SLC35F4: variants seen among roughly 807,000 people sequenced by gnomAD.
SLC35F4 encodes solute carrier family 35 member F4, also known as chromosome 14 open reading frame 36.
Under a neutral mutation model 44.2 loss-of-function variants are expected in SLC35F4, and 24 were observed. The ratio of observed to expected loss-of-function variants is 0.54; its 90% CI spans 0.39 to 0.76. The LOEUF (loss-of-function observed/expected upper bound fraction) is 0.76. Ranked by LOEUF, SLC35F4 falls within the 30% of genes least tolerant of loss-of-function variation. SLC35F4 has a pLI of 0.00. For synonymous variants in SLC35F4, 238 were observed against 223.6 expected (o/e 1.06, Z -0.57); for missense variants, 562 against 586.1 (o/e 0.96, Z 0.42).
At chr14:57,720,293 C>CT (rs1307917710) in intron 1 of SLC35F4, among the ~76,000 whole-genome samples, 1 of 152,036 alleles carries the variant, frequency 6.6e-6, no homozygotes, top group Non-Finnish European at 1.5e-5. Context: ...CTGCAGTTTT[C>CT]TTTTTTTAAC....
intron 1 of SLC35F4, among the ~76,000 whole-genome samples, chr14:57,694,424 T>C (rs1482680053): frequency 1.3e-5 from 2 of 152,204 alleles, no homozygotes; most frequent in Non-Finnish European, 2.9e-5. Flanking sequence ...TCATTTTACA[T>C]AATGTTTGTG....
chr14:57,679,620 C>T (rs1244452866), intron 1 of SLC35F4, among the ~76,000 whole-genome samples: 1 of 151,668 alleles, frequency 6.6e-6, no homozygotes, highest in Non-Finnish European at 1.5e-5. Flanking sequence ...AAATAGTAGA[C>T]CAGTAGCCAG....
intron 1 of SLC35F4, among the ~76,000 whole-genome samples, chr14:57,896,160 A>G (rs762525994): frequency 6.6e-6 from 1 of 152,174 alleles, no homozygotes; most frequent in African/African-American, 2.4e-5. Context: ...AAATTGGAAG[A>G]TAAGTGGAGA....
chr14:57,872,363 A>G (rs566212447), intron 1 of SLC35F4, among the ~76,000 whole-genome samples: 2 of 151,442 alleles, frequency 1.3e-5, no homozygotes, highest in Non-Finnish European at 2.9e-5. Context: ...TACCCAGCTG[A>G]TGTGAGAGGA....
intron 1 of SLC35F4, among the ~76,000 whole-genome samples, chr14:57,728,437 CTTTCTTTTTTT>C (rs2076261203): frequency 1.0e-5 from 1 of 97,588 alleles, no homozygotes; most frequent in Non-Finnish European, 2.0e-5. Flanking sequence ...TTTTTTCTTT[CTTTCTTTTTTT>C]TTTTTTTTTT....
intron 1 of SLC35F4, among the ~76,000 whole-genome samples, chr14:57,943,303 G>C (rs946395547): frequency 6.6e-6 from 1 of 152,214 alleles, no homozygotes; most frequent in Non-Finnish European, 1.5e-5. Flanking sequence ...TACAGCTGCT[G>C]TTTACTGACG....
chr14:57,628,819 T>A (rs918967537), intron 1 of SLC35F4, among the ~76,000 whole-genome samples: 7 of 152,120 alleles, frequency 4.6e-5, no homozygotes, highest in South Asian at 2.1e-4. Flanking sequence ...TTAAAAAAAA[T>A]TTTCTCTTTT....
chr14:57,677,892 T>C (rs532931733), intron 1 of SLC35F4, among the ~76,000 whole-genome samples: 3 of 152,110 alleles, frequency 2.0e-5, no homozygotes, highest in East Asian at 1.9e-4. Flanking sequence ...TAATAATCTG[T>C]TACAAACAAA....
intron 1 of SLC35F4, among the ~76,000 whole-genome samples, chr14:57,679,323 C>T (rs1180084897): frequency 6.6e-6 from 1 of 151,934 alleles, no homozygotes; most frequent in Non-Finnish European, 1.5e-5. Context: ...TCTTTGAAAC[C>T]AATGAGAACA....
intron 1 of SLC35F4, among the ~76,000 whole-genome samples, chr14:57,612,629 A>C (rs749136347): frequency 2.7e-4 from 41 of 152,170 alleles, no homozygotes; most frequent in Non-Finnish European, 5.1e-4. Context: ...CAGTATTGGC[A>C]CTTAGTGGCT....
At chr14:57,655,187 C>T (rs938397345) in intron 1 of SLC35F4, among the ~76,000 whole-genome samples, 1 of 152,086 alleles carries the variant, frequency 6.6e-6, no homozygotes, top group Non-Finnish European at 1.5e-5. Flanking sequence ...TTTCACCCTA[C>T]TCAGTCCTTC....
At chr14:57,566,713 T>G (rs1594872005) in intron 6 of SLC35F4, 149 bp from the exon 7 acceptor site, 4 of 722,394 alleles carry the variant, frequency 5.5e-6, no homozygotes, top group South Asian at 1.8e-5. Context: ...TGGATGCATG[T>G]GTATTCTACC....
chr14:57,895,687 TC>T (rs1168447749), intron 1 of SLC35F4, among the ~76,000 whole-genome samples: 1 of 152,050 alleles, frequency 6.6e-6, no homozygotes, highest in African/African-American at 2.4e-5. Context: ...ATCGTAAGTT[TC>T]CTGAGGCCTC....
At chr14:57,775,471 G>A (rs1203553492) in intron 1 of SLC35F4, among the ~76,000 whole-genome samples, 2 of 152,244 alleles carry the variant, frequency 1.3e-5, no homozygotes, top group African/African-American at 4.8e-5. Flanking sequence ...GGAGGAGCCA[G>A]ATAACAAAGC....
intron 1 of SLC35F4, among the ~76,000 whole-genome samples, chr14:57,629,112 T>C (rs2072634484): frequency 6.6e-6 from 1 of 152,110 alleles, no homozygotes. Flanking sequence ...CTTTTGAAAT[T>C]ATTTGTCTTG....
At chr14:57,823,610 G>A (rs894452479) in intron 1 of SLC35F4, among the ~76,000 whole-genome samples, 8 of 152,136 alleles carry the variant, frequency 5.3e-5, no homozygotes, top group African/African-American at 1.7e-4. Flanking sequence ...TTTCAATGAA[G>A]GAATGAACTA....
chr14:57,579,993 A>G (rs1594925913), intron 4 of SLC35F4, among the ~76,000 whole-genome samples: 2 of 152,348 alleles, frequency 1.3e-5, no homozygotes, highest in Middle Eastern at 3.4e-3. Context: ...CCAGTGCCCC[A>G]GACATAAATA....
At chr14:57,871,641 A>G (rs557660188) in intron 1 of SLC35F4, among the ~76,000 whole-genome samples, 4 of 152,310 alleles carry the variant, frequency 2.6e-5, no homozygotes, top group East Asian at 1.9e-4. Flanking sequence ...ACTGTTTGCC[A>G]AATAGTCATG....
At chr14:57,775,639 A>T (rs1197764462) in intron 1 of SLC35F4, among the ~76,000 whole-genome samples, 1 of 152,216 alleles carries the variant, frequency 6.6e-6, no homozygotes, top group African/African-American at 2.4e-5. Context: ...AACAGAAATA[A>T]AATCCATCCA....
Sources: gnomAD v4.1 joint callset for allele counts (sites outside exome capture counted in the v4.1 genomes callset) on GRCh38, gnomAD v4.1.1 for gene constraint, MANE v1.5 for transcripts, NCBI Gene and HGNC (gene_info 2026-07-23, HGNC 2026-07-21) for gene names.